The following BMAL2 variants were observed in gnomAD, a reference collection of about 807,000 sequenced individuals.
BMAL2 encodes basic helix-loop-helix ARNT like 2.
chr12:27,374,515 G>A, the BMAL2 span, among the ~76,000 whole-genome samples: 2 of 152,190 alleles, frequency 1.3e-5, no homozygotes, highest in East Asian at 1.9e-4. Context: ...CCCCATGGAT[G>A]CTGAGGGACA....
chr12:27,390,328 G>A, the BMAL2 span: 2 of 1,349,230 alleles, frequency 1.5e-6, no homozygotes, highest in Admixed American at 2.2e-5. Flanking sequence ...AAAATATATG[G>A]TCAAGGGAAA....
At chr12:27,377,562 A>G in the BMAL2 span, 9 of 152,170 alleles carry the variant, frequency 5.9e-5, no homozygotes, top group Admixed American at 5.9e-4. Context: ...TTCTAGTGAG[A>G]GTGTAACTAC....
chr12:27,415,977 T>C, the BMAL2 span: 1 of 1,390,546 alleles, frequency 7.2e-7, no homozygotes, highest in South Asian at 1.3e-5. Context: ...ATAATATTCA[T>C]GAAATAAATG....
chr12:27,402,099 A>C, the BMAL2 span, among the ~76,000 whole-genome samples: 1 of 152,162 alleles, frequency 6.6e-6, no homozygotes, highest in Admixed American at 6.5e-5. Flanking sequence ...GAGAACAGAA[A>C]TCCAGCCCAG....
chr12:27,332,954 G>T, the BMAL2 span: 1 of 795,968 alleles, frequency 1.3e-6, no homozygotes, highest in Non-Finnish European at 1.6e-6. Flanking sequence ...CACCCGGCAG[G>T]GCCCGCCAGT....
At chr12:27,391,897 G>T in the BMAL2 span, among the ~76,000 whole-genome samples, 1 of 152,190 alleles carries the variant, frequency 6.6e-6, no homozygotes, top group Non-Finnish European at 1.5e-5. Flanking sequence ...GCTGTCTAAC[G>T]TCACATATGA....
chr12:27,411,345 A>C, the BMAL2 span, among the ~76,000 whole-genome samples: 1 of 152,094 alleles, frequency 6.6e-6, no homozygotes, highest in Non-Finnish European at 1.5e-5. Flanking sequence ...GGCCAGGTGC[A>C]GTAGCTCATG....
At chr12:27,357,413 A>C in the BMAL2 span, among the ~76,000 whole-genome samples, 1 of 152,216 alleles carries the variant, frequency 6.6e-6, no homozygotes, top group South Asian at 2.1e-4. Context: ...GATGGGTAGA[A>C]TCAATATTGT....
chr12:27,377,696 A>C, the BMAL2 span, among the ~76,000 whole-genome samples: 3 of 152,226 alleles, frequency 2.0e-5, no homozygotes, highest in Non-Finnish European at 2.9e-5. Context: ...AGCTATGATC[A>C]TACAACTGCA....
the BMAL2 span, among the ~76,000 whole-genome samples, chr12:27,420,035 A>ACACAC: frequency 6.6e-6 from 1 of 151,678 alleles, no homozygotes; most frequent in Non-Finnish European, 1.5e-5. Flanking sequence ...ACACACACAC[A>ACACAC]CACACACACA....
chr12:27,403,573 A>G, the BMAL2 span: 1 of 1,331,374 alleles, frequency 7.5e-7, no homozygotes, highest in Non-Finnish European at 1.1e-6. Context: ...TATTTTCAAA[A>G]GTAAAAATAT....
chr12:27,378,382 A>G, the BMAL2 span, among the ~76,000 whole-genome samples: 2 of 152,234 alleles, frequency 1.3e-5, no homozygotes, highest in African/African-American at 4.8e-5. Flanking sequence ...TAGTCAGAGA[A>G]AGCTTCCCAG....
At chr12:27,418,587 A>G in the BMAL2 span, among the ~76,000 whole-genome samples, 1 of 152,114 alleles carries the variant, frequency 6.6e-6, no homozygotes, top group Non-Finnish European at 1.5e-5. Flanking sequence ...CCTGGGTGAC[A>G]GAGTGAGACC....
the BMAL2 span, among the ~76,000 whole-genome samples, chr12:27,373,525 G>C: frequency 6.6e-6 from 1 of 152,176 alleles, no homozygotes; most frequent in Non-Finnish European, 1.5e-5. Flanking sequence ...AGAAGCTGAT[G>C]GAGTGGGGAG....
At chr12:27,421,136 T>G in the BMAL2 span, 1 of 152,222 alleles carries the variant, frequency 6.6e-6, no homozygotes, top group South Asian at 2.1e-4. Flanking sequence ...AGATGAATTT[T>G]AAGTGAGATG....
chr12:27,337,918 T>C, the BMAL2 span, among the ~76,000 whole-genome samples: 1 of 152,192 alleles, frequency 6.6e-6, no homozygotes, highest in African/African-American at 2.4e-5. Flanking sequence ...GTCACCCAAA[T>C]TGAAATTATT....
chr12:27,396,186 G>T, the BMAL2 span, among the ~76,000 whole-genome samples: 3 of 152,186 alleles, frequency 2.0e-5, no homozygotes, highest in African/African-American at 7.2e-5. Flanking sequence ...CTAATACAGT[G>T]GGTAATGACA....
At chr12:27,399,046 A>G in the BMAL2 span, among the ~76,000 whole-genome samples, 3 of 152,164 alleles carry the variant, frequency 2.0e-5, no homozygotes, top group African/African-American at 7.2e-5. Flanking sequence ...GTAGGGAATA[A>G]GTGATAAAGA....
chr12:27,354,023 A>C, the BMAL2 span, among the ~76,000 whole-genome samples: 1 of 152,170 alleles, frequency 6.6e-6, no homozygotes, highest in Admixed American at 6.5e-5. Flanking sequence ...TTCTCAAAGA[A>C]CTTAAAACAG....
Sources: gnomAD v4.1 joint callset for allele counts (sites outside exome capture counted in the v4.1 genomes callset) on GRCh38, gnomAD v4.1.1 for gene constraint, MANE v1.5 for transcripts, NCBI Gene and HGNC (gene_info 2026-07-23, HGNC 2026-07-21) for gene names.